SARNP: variants seen among roughly 807,000 people sequenced by gnomAD.
The protein encoded by SARNP is SAP domain containing ribonucleoprotein, also known as SAP domain-containing ribonucleoprotein.
Under a neutral mutation model 38.1 loss-of-function variants are expected in SARNP, and 5 were observed. The ratio of observed to expected loss-of-function variants is 0.13; its 90% confidence interval spans 0.07 to 0.28. The LOEUF is 0.28. SARNP is among the 10% of genes least tolerant of loss of function. The pLI, the probability that SARNP is intolerant of heterozygous loss-of-function variation, is 1.00. For missense variants in SARNP, 180 were observed against 243.9 expected, an observed-to-expected ratio of 0.74 and a Z score of 1.75; for synonymous variants, 84 against 80.6, an observed-to-expected ratio of 1.04 and a Z score of -0.23.
chr12:55,798,339 A>C, intron 4 of SARNP, among the ~76,000 whole-genome samples: 1 of 152,110 alleles, frequency 6.6e-6, no homozygotes, highest in East Asian at 1.9e-4. Context: ...CTCTACAAAA[A>C]ATACAAAAAA....
Position 55,796,010 on chromosome 12 carries a change from G to A in SARNP, c.303+15C>T, listed in dbSNP as rs751707225. 1.0e-4 allele frequency: 160 copies of A among 1,562,830 alleles called. No individual in the cohort carries two copies. Among genetic ancestry groups the A allele is most frequent in the Non-Finnish European group, 1.4e-4 (157 of 1,133,746 alleles). Reference sequence around the variant, plus strand: ...GAAATGTAGAGACTGTTCTACTAGGGAGCAGAATACCTACCTCAGTCTGTG... The same window carrying A: ...GAAATGTAGAGACTGTTCTACTAGGAAGCAGAATACCTACCTCAGTCTGTG... On this transcript the variant is annotated intron_variant, in intron 5 of 10. Coordinates refer to ENST00000336133, the MANE Select transcript of SARNP (RefSeq NM_033082.4).
At chr12:55,759,772 C>G (rs1196883912) in intron 10 of SARNP, among the ~76,000 whole-genome samples, 1 of 151,514 alleles carries the variant, frequency 6.6e-6, no homozygotes, top group Non-Finnish European at 1.5e-5. Flanking sequence ...GGGTCTCACT[C>G]TATTGCCCAG....
At chr12:55,790,653 C>A in intron 7 of SARNP, 61 bp from the exon 8 acceptor site, 1 of 1,399,648 alleles carries the variant, frequency 7.1e-7, no homozygotes, top group Non-Finnish European at 9.4e-7. Flanking sequence ...CAACAGTCTT[C>A]AAGTCAAATT....
chr12:55,775,940 T>C (rs896582843), intron 9 of SARNP, among the ~76,000 whole-genome samples: 11 of 152,324 alleles, frequency 7.2e-5, no homozygotes, highest in African/African-American at 2.6e-4. Context: ...TGCTCTCACA[T>C]GAGGAGCCTT....
chr12:55,791,523 C>T (rs111672316), intron 7 of SARNP, among the ~76,000 whole-genome samples: 9 of 152,122 alleles, frequency 5.9e-5, no homozygotes, highest in African/African-American at 2.2e-4. Flanking sequence ...GGTGAAATCC[C>T]ATCTCTACTA....
At chr12:55,769,488 T>C (rs1878943568) in intron 9 of SARNP, among the ~76,000 whole-genome samples, 1 of 152,034 alleles carries the variant, frequency 6.6e-6, no homozygotes, top group African/African-American at 2.4e-5. Flanking sequence ...TCCAAAAGAG[T>C]TATGCTTTTC....
chr12:55,786,034 T>A (rs1013360895), intron 9 of SARNP, among the ~76,000 whole-genome samples: 1 of 152,164 alleles, frequency 6.6e-6, no homozygotes, highest in Non-Finnish European at 1.5e-5. Context: ...TTGCTCAAAG[T>A]CACAAAGTTA....
intron 9 of SARNP, among the ~76,000 whole-genome samples, chr12:55,773,750 G>A (rs975901753): frequency 1.3e-5 from 2 of 152,040 alleles, no homozygotes; most frequent in Non-Finnish European, 2.9e-5. Context: ...TGCTCTTGTC[G>A]CCCAGGCTGG....
intron 1 of SARNP, among the ~76,000 whole-genome samples, chr12:55,806,169 T>C (rs1880134935): frequency 6.6e-6 from 1 of 152,188 alleles, no homozygotes; most frequent in African/African-American, 2.4e-5. Flanking sequence ...CTTGTAACCT[T>C]ATGTGAATAA....
At chr12:55,770,624 A>G (rs1878980071) in intron 9 of SARNP, among the ~76,000 whole-genome samples, 1 of 152,168 alleles carries the variant, frequency 6.6e-6, no homozygotes, top group African/African-American at 2.4e-5. Context: ...TGCAAAAGGA[A>G]GATCAGATGC....
chr12:55,757,670 C>T lies in SARNP; in HGVS notation c.592-117G>A, dbSNP rs533966112. The T allele has an allele frequency of 1.6e-4, 110 of 672,056 alleles. 1 individual carries two copies. The South Asian group carries it at 2.1e-3, about 13-fold the overall frequency. 41.6% of individuals were successfully genotyped at this position (672,056 alleles called of 1,614,324 possible). A position where few individuals can be genotyped will look rare whatever the true frequency, so the allele number is the denominator to read the frequency against. Reference sequence around the variant, plus strand: ...CACAAGGCCCGAGAAGGAAGGATGGCCCAGACTTGAGCTTGGTAGCTAGAG... The same window carrying T: ...CACAAGGCCCGAGAAGGAAGGATGGTCCAGACTTGAGCTTGGTAGCTAGAG... On this transcript the variant is annotated intron_variant, in intron 10 of 10. Transcript: ENST00000336133.
At chr12:55,778,764 G>A (rs1879258670) in intron 9 of SARNP, among the ~76,000 whole-genome samples, 1 of 152,124 alleles carries the variant, frequency 6.6e-6, no homozygotes, top group African/African-American at 2.4e-5. Flanking sequence ...AAGATCAGGA[G>A]TTTAAGATCA....
chr12:55,780,563 G>C (rs1391176243), intron 9 of SARNP, among the ~76,000 whole-genome samples: 2 of 152,162 alleles, frequency 1.3e-5, no homozygotes, highest in East Asian at 3.9e-4. Flanking sequence ...CCAGCTACTT[G>C]GGAAGCTGAA....
intron 9 of SARNP, 120 bp from the exon 10 acceptor site, chr12:55,760,760 A>T: frequency 1.5e-6 from 1 of 687,092 alleles, no homozygotes; most frequent in South Asian, 1.7e-5. Flanking sequence ...AGAACTAAGG[A>T]TCACATAAAG....
intron 1 of SARNP, among the ~76,000 whole-genome samples, chr12:55,817,353 G>A (rs182027538): frequency 4.6e-5 from 7 of 152,320 alleles, no homozygotes; most frequent in African/African-American, 1.7e-4. Flanking sequence ...ACCAACTGAC[G>A]TAATGCAGCC....
chr12:55,808,396 G>A lies in SARNP; in HGVS notation c.37-4668C>T, dbSNP rs1490687536. On this transcript the variant is annotated intron_variant, in intron 1 of 10. Coordinates refer to ENST00000336133, the MANE Select transcript of SARNP (RefSeq NM_033082.4). The stretch of plus-strand genomic sequence containing the variant: ...TGCAATGGCGTGATCTTGGCTCACC[G>A]CAACCTCCACCTCCCGAGTTCAAGC... Among the ~76,000 whole-genome samples, 6 of 151,738 alleles carry A rather than the reference G, an allele frequency of 4.0e-5. No individual in the cohort carries two copies. In the East Asian group the frequency reaches 9.7e-4, roughly 25 times the overall value.
intron 1 of SARNP, among the ~76,000 whole-genome samples, chr12:55,817,442 T>C (rs899529144): frequency 6.6e-6 from 1 of 151,938 alleles, no homozygotes; most frequent in Non-Finnish European, 1.5e-5. Flanking sequence ...GATACAATGA[T>C]GAAGGAAGCA....
At chr12:55,776,774 T>A (rs1181691657) in intron 9 of SARNP, among the ~76,000 whole-genome samples, 1 of 152,164 alleles carries the variant, frequency 6.6e-6, no homozygotes, top group Admixed American at 6.5e-5. Context: ...ATGTAATTTT[T>A]AAAATTATTT....
chr12:55,785,514 G>A lies in SARNP; in HGVS notation c.501+3561C>T, dbSNP rs190473821. ...TTTTTTAAGACAGAGTCTAGGCCAT[G>A]TGCGGTGGCTCACGCCTGTAATCCC... On this transcript the variant is annotated intron_variant, in intron 9 of 10. Coordinates refer to ENST00000336133, the MANE Select transcript of SARNP (RefSeq NM_033082.4). Among the ~76,000 whole-genome samples, 431 of 151,802 alleles carry A rather than the reference G, an allele frequency of 2.8e-3. 6 individuals carry two copies. Among genetic ancestry groups the A allele is most frequent in the Non-Finnish European group, 3.4e-4 (23 of 67,946 alleles).
Sources: allele counts gnomAD v4.1 joint callset (sites outside exome capture counted in the v4.1 genomes callset), GRCh38; gene constraint gnomAD v4.1.1; transcripts MANE v1.5; gene names NCBI Gene and HGNC (gene_info 2026-07-23, HGNC 2026-07-21).